SI: variants seen among roughly 807,000 people sequenced by gnomAD.
SI encodes the protein sucrase-isomaltase, also known as sucrase-isomaltase, intestinal.
In SI, 235 loss-of-function variants were observed where a neutral mutation model predicts 253.3. That is an observed-to-expected ratio of 0.93 (90% CI 0.83 to 1.03). SI has a LOEUF of 1.03. Among genes scored for constraint, SI ranks in the 50% least tolerant of loss-of-function variants. The pLI, the probability that SI is intolerant of heterozygous loss-of-function variation, is 0.00. For missense variants in SI, 2,442 were observed against 2,211.1 expected, an observed-to-expected ratio of 1.10 and a Z score of -2.09; for synonymous variants, 819 against 712.0, an observed-to-expected ratio of 1.15 and a Z score of -2.39.
intron 11 of SI, 40 bp from the exon 12 acceptor site, chr3:165,059,122 A>ACC (rs751367186): frequency 6.4e-7 from 1 of 1,556,868 alleles, no homozygotes; most frequent in African/African-American, 1.6e-5. Flanking sequence ...CTATTAACTT[A>ACC]CACGTGTAAA....
Position 165,062,945 on chromosome 3 carries a change from A to G in SI, c.908-462T>C, listed in dbSNP as rs569269522. Among the ~76,000 whole-genome samples, 4 of 152,172 alleles carry G rather than the reference A, an allele frequency of 2.6e-5. No homozygotes were observed. In the South Asian group the frequency reaches 8.3e-4, roughly 32 times the overall value. On this transcript the variant is annotated intron_variant, in intron 8 of 47. Coordinates refer to ENST00000264382, the MANE Select transcript of SI (RefSeq NM_001041.4). Reference sequence around the variant, plus strand: ...AACTGGCTGGAAAACCATGTAATAAACTGATCCTGCTGAAATGTGATTAAT... The same window carrying G: ...AACTGGCTGGAAAACCATGTAATAAGCTGATCCTGCTGAAATGTGATTAAT...
chr3:165,050,310 T>A (rs1026984302), intron 13 of SI, among the ~76,000 whole-genome samples: 5 of 152,116 alleles, frequency 3.3e-5, no homozygotes, highest in Admixed American at 2.0e-4. Flanking sequence ...ACAGCTCCTA[T>A]ACACTCATAA....
intron 6 of SI, among the ~76,000 whole-genome samples, chr3:165,065,969 T>C (rs969552481): frequency 6.6e-6 from 1 of 151,952 alleles, no homozygotes; most frequent in Admixed American, 6.6e-5. Context: ...TTTATTTTTA[T>C]TGACAATTAG....
chr3:165,045,562 T>C (rs1338978428), intron 16 of SI, among the ~76,000 whole-genome samples: 2 of 151,960 alleles, frequency 1.3e-5, no homozygotes, highest in African/African-American at 4.8e-5. Flanking sequence ...AGAGATTTTG[T>C]TTACATTGTA....
chr3:164,994,387 A>C lies in SI; in HGVS notation c.4711T>G (p.Trp1571Gly). 6.2e-7 allele frequency: 1 copy of C among 1,610,934 alleles called. No homozygotes were observed. The highest frequency in any genetic ancestry group is 2.2e-5 in the East Asian group (1 of 44,688). The stretch of plus-strand genomic sequence containing the variant: ...GACATTTCAGCAAAAGTTTCATTCC[A>C]GGAAGCGGGATCTTGTCTCTGAAAC... ...ANTRRQDPAS[W>G]NETFAEMSRN... The change falls in exon 41 of 48, where the codon TGG becomes GGG. Residue 1571 changes from tryptophan to glycine, a missense_variant. Transcript: ENST00000264382.
chr3:165,067,040 T>G (rs1714280639), intron 6 of SI, among the ~76,000 whole-genome samples: 1 of 151,856 alleles, frequency 6.6e-6, no homozygotes, highest in Non-Finnish European at 1.5e-5. Flanking sequence ...ACGATAAATA[T>G]AAGGGGGAAA....
chr3:165,054,358 T>C (rs1484551658), intron 13 of SI, among the ~76,000 whole-genome samples: 1 of 152,012 alleles, frequency 6.6e-6, no homozygotes, highest in African/African-American at 2.4e-5. Flanking sequence ...TTAAAGAAAC[T>C]CTTAAACACT....
Position 165,067,368 on chromosome 3 carries a change from C to G in SI, c.607G>C (p.Val203Leu). The G allele has an allele frequency of 5.6e-6, 9 of 1,611,048 alleles. No individual in the cohort carries two copies. The highest frequency in any genetic ancestry group is 7.6e-6 in the Non-Finnish European group (9 of 1,178,018). ...GTTTTACCGTTGCTTTTCCTAATAACTTGGATGCTAAATGGGTTTTGGGCA... is the reference window on the plus strand; with the variant it reads ...GTTTTACCGTTGCTTTTCCTAATAAGTTGGATGCTAAATGGGTTTTGGGCA... ...KVAQNPFSIQ[V>L]IRKSNGKTLF... Residue 203 changes from valine to leucine, a missense_variant, in exon 6 of 48, where the codon GTT becomes CTT. Transcript: ENST00000264382.
chr3:165,040,117 T>C, intron 18 of SI, 146 bp from the exon 19 acceptor site: 1 of 704,576 alleles, frequency 1.4e-6, no homozygotes, highest in Non-Finnish European at 2.5e-6. Flanking sequence ...CAATTCATGG[T>C]TCTTACATCC....
chr3:165,054,068 C>T (rs1713567256), intron 13 of SI, among the ~76,000 whole-genome samples: 1 of 152,022 alleles, frequency 6.6e-6, no homozygotes. Context: ...ATCTTTCCAT[C>T]TTTGTATTCC....
intron 25 of SI, 45 bp from the exon 26 acceptor site, chr3:165,023,821 T>C (rs77622844): frequency 0.034 from 47,024 of 1,376,802 alleles, 1,041 homozygotes; most frequent in Non-Finnish European, 0.042. Flanking sequence ...ATAAGCCTTG[T>C]AATATTTTAC....
chr3:165,058,859 T>TACACAAC, intron 12 of SI, 104 bp downstream of exon 12: 1 of 638,348 alleles, frequency 1.6e-6, no homozygotes, highest in Non-Finnish European at 2.8e-6. Context: ...AAAGCAGACA[T>TACACAAC]ACACACACAC....
At chr3:164,995,130 G>A (rs1023314789) in intron 40 of SI, among the ~76,000 whole-genome samples, 10 of 151,866 alleles carry the variant, frequency 6.6e-5, no homozygotes, top group African/African-American at 2.2e-4. Context: ...ACATTTAAAT[G>A]TTTTTCGTTG....
chr3:165,081,066 C>A (rs1188861958), upstream of SI, among the ~76,000 whole-genome samples: 3 of 151,860 alleles, frequency 2.0e-5, no homozygotes, highest in East Asian at 5.8e-4. Flanking sequence ...AACAATGAAC[C>A]TCAATCAATC....
intron 44 of SI, among the ~76,000 whole-genome samples, chr3:164,989,033 T>C (rs766326766): frequency 1.3e-5 from 2 of 151,814 alleles, no homozygotes; most frequent in Non-Finnish European, 2.9e-5. Flanking sequence ...CATGTATACA[T>C]ATGTAACTAA....
At chr3:165,004,316 T>C (rs1718398564) in intron 37 of SI, among the ~76,000 whole-genome samples, 1 of 152,162 alleles carries the variant, frequency 6.6e-6, no homozygotes, top group Non-Finnish European at 1.5e-5. Flanking sequence ...CTGTTGAAGC[T>C]GTGGAGAAAA....
At chr3:165,010,608 T>A (rs1287588260) in intron 34 of SI, among the ~76,000 whole-genome samples, 5 of 152,212 alleles carry the variant, frequency 3.3e-5, no homozygotes, top group Non-Finnish European at 7.3e-5. Flanking sequence ...TAATAACAAA[T>A]GGTAGTGCCA....
chr3:165,049,054 T>C lies in SI; in HGVS notation c.1715+73A>G, dbSNP rs1471220739. On this transcript the variant is annotated intron_variant, in intron 15 of 47. Transcript: ENST00000264382. ...AACTTTGCTATTTCCTAATTATGAA[T>C]ACATTGATAAATTATCAAAAACATT... The C allele has an allele frequency of 1.5e-5, 13 of 890,202 alleles. No homozygotes were observed. In the Admixed American group the frequency reaches 2.2e-4, roughly 15 times the overall value. 55.1% of individuals were successfully genotyped at this position (890,202 alleles called of 1,614,324 possible).
rs1381811752 is a variant in SI at position 165,074,594 on chromosome 3, T to C, written c.192A>G (p.Pro64=). The stretch of plus-strand genomic sequence containing the variant: ...CATTGACAGGATCATTTAACACATT[T>C]GGACATTTTCCTGAATCAGAAGGAT... The part of the protein sequence containing the change: ...TTNPSDSGKC[P]NVLNDPVNVR... Residue 64 remains proline (P), a synonymous_variant, in exon 3 of 48, where the codon CCA becomes CCG. Transcript: ENST00000264382. The C allele has an allele frequency of 6.2e-7, 1 of 1,610,600 alleles. No individual in the cohort carries two copies. The highest frequency in any genetic ancestry group is 1.7e-5 in the Admixed American group (1 of 59,742).
Sources: gnomAD v4.1 joint callset for allele counts (sites outside exome capture counted in the v4.1 genomes callset) on GRCh38, gnomAD v4.1.1 for gene constraint, MANE v1.5 for transcripts, NCBI Gene and HGNC (gene_info 2026-07-23, HGNC 2026-07-21) for gene names.